Variants in AVL9 observed in about 807,000 individuals in gnomAD.
The protein encoded by AVL9 is late secretory pathway protein AVL9 homolog.
Under a neutral mutation model 79.2 loss-of-function variants are expected in AVL9, and 49 were observed. The observed-to-expected ratio is 0.62, with a 90% CI of 0.49 to 0.79. The LOEUF (loss-of-function observed/expected upper bound fraction) is 0.79. Ranked by LOEUF, AVL9 falls within the 30% of genes least tolerant of loss-of-function variation. The pLI is 0.00. For synonymous variants in AVL9, 299 were observed against 280.6 expected (o/e 1.07, Z -0.65); for missense variants, 682 against 776.8 (o/e 0.88, Z 1.45).
In AVL9 at chr7:32,580,351, T is replaced by C. The variant is rs182625187; in HGVS notation, c.1742+79T>C. The C allele has an allele frequency of 2.5e-3, 2,833 of 1,156,006 alleles. 9 individuals carry two copies. The highest frequency in any genetic ancestry group is 3.1e-3 in the Non-Finnish European group (2,389 of 780,846). The allele number at this position is 1,156,006 out of a possible 1,614,324, so 71.6% of individuals were successfully genotyped here. A position where few individuals can be genotyped will look rare whatever the true frequency, so the allele number is the denominator to read the frequency against. On this transcript the variant is annotated intron_variant, in intron 14 of 15. Transcript: ENST00000318709. ...GTGTTTCATTGCTAATTGGGAATTG[T>C]TTTTCTCTACTTGATAGACTTATGC... is the stretch of plus-strand genomic sequence containing the variant.
intron 1 of AVL9, among the ~76,000 whole-genome samples, chr7:32,523,022 A>C (rs1788230300): frequency 6.6e-6 from 1 of 151,832 alleles, no homozygotes; most frequent in Admixed American, 6.6e-5. Flanking sequence ...GTCCAATTAA[A>C]CCTTTTTTTC....
At chr7:32,525,179 C>G (rs1788348366) in intron 1 of AVL9, among the ~76,000 whole-genome samples, 1 of 152,162 alleles carries the variant, frequency 6.6e-6, no homozygotes, top group South Asian at 2.1e-4. Flanking sequence ...TCCTTTATTT[C>G]CAGTTTAGAA....
intron 10 of AVL9, among the ~76,000 whole-genome samples, chr7:32,566,155 T>A (rs1420503554): frequency 1.4e-5 from 2 of 141,320 alleles, no homozygotes; most frequent in East Asian, 2.0e-4. Flanking sequence ...ATTATTATTT[T>A]AAAAAAATTT....
chr7:32,502,701 T>A (rs1162097941), intron 1 of AVL9, among the ~76,000 whole-genome samples: 1 of 152,182 alleles, frequency 6.6e-6, no homozygotes, highest in African/African-American at 2.4e-5. Context: ...AAGTTTGTAT[T>A]AAAATGGATT....
chr7:32,533,731 G>A (rs2128129909), intron 1 of AVL9: 1 of 152,270 alleles, frequency 6.6e-6, no homozygotes, highest in East Asian at 1.9e-4. Context: ...AAATCTCTGA[G>A]ATACCGAGAA....
At position 32,584,775 on chromosome 7, in the gene AVL9, T is replaced by TGGGG. The variant is rs1179809139; in HGVS notation, c.*881_*884dup. 1.0e-3 allele frequency: 1 copy of TGGGG among 994 alleles called. No homozygotes were observed. The highest frequency in any genetic ancestry group is 2.1e-3 in the African/African-American group (1 of 468). The allele number at this position is 994 out of a possible 1,614,324, so 0.1% of individuals were successfully genotyped here. On this transcript the variant is annotated 3_prime_UTR_variant, in exon 16 of 16. Coordinates refer to ENST00000318709, the MANE Select transcript of AVL9 (RefSeq NM_015060.3). ...TGCCATCTGTTTCTCTTTTTTTTTT[T>TGGGG]GGGGGGGGGGGGGGGGCGGGGTCTC...
At chr7:32,569,067 A>G (rs935057298) in intron 10 of AVL9, among the ~76,000 whole-genome samples, 33 of 152,246 alleles carry the variant, frequency 2.2e-4, no homozygotes, top group Non-Finnish European at 4.4e-5. Flanking sequence ...AAGAATATCA[A>G]GTTGCAAAGC....
At chr7:32,565,991 G>T (rs1158508813) in intron 10 of AVL9, among the ~76,000 whole-genome samples, 6 of 140,652 alleles carry the variant, frequency 4.3e-5, no homozygotes, top group African/African-American at 1.7e-4. Flanking sequence ...AAAAAAAAAG[G>T]CTGGGTGTGG....
chr7:32,513,832 A>G (rs2128119554), intron 1 of AVL9, among the ~76,000 whole-genome samples: 1 of 152,324 alleles, frequency 6.6e-6, no homozygotes, highest in Middle Eastern at 3.4e-3. Flanking sequence ...TGGTGTAACT[A>G]TAGGGTGATG....
chr7:32,519,450 A>G (rs1051478006), intron 1 of AVL9, among the ~76,000 whole-genome samples: 2 of 151,876 alleles, frequency 1.3e-5, no homozygotes, highest in Admixed American at 1.3e-4. Context: ...AAGAAAAGAA[A>G]TGGAAGGGCC....
intron 1 of AVL9, among the ~76,000 whole-genome samples, chr7:32,509,722 G>C (rs185994724): frequency 6.6e-6 from 1 of 152,216 alleles, no homozygotes; most frequent in East Asian, 1.9e-4. Context: ...GTGGTGGCGG[G>C]CGCCTGTAAT....
At chr7:32,575,625 GATTA>G (rs575407565) in intron 12 of AVL9, among the ~76,000 whole-genome samples, 5 of 152,074 alleles carry the variant, frequency 3.3e-5, no homozygotes, top group Non-Finnish European at 5.9e-5. Flanking sequence ...TACAGTTTTT[GATTA>G]ATTAATACTA....
In AVL9 at chr7:32,555,049, G is replaced by T. The variant is rs191163732; in HGVS notation, c.609+453G>T. Among the ~76,000 whole-genome samples the T allele has an allele frequency of 8.1e-4, 123 of 152,200 alleles. 2 individuals carry two copies. The highest frequency in any genetic ancestry group is 1.2e-4 in the Non-Finnish European group (8 of 67,978). On this transcript the variant is annotated intron_variant, in intron 8 of 15. Coordinates refer to ENST00000318709, the MANE Select transcript of AVL9 (RefSeq NM_015060.3). Reference sequence around the variant, plus strand: ...TACCTCCTCCTAAACAATCTAATAAGAATTCTTGGCCGGGCACGGTGGCTC... The same window carrying T: ...TACCTCCTCCTAAACAATCTAATAATAATTCTTGGCCGGGCACGGTGGCTC...
At chr7:32,541,477 A>G (rs1789205292) in intron 1 of AVL9, among the ~76,000 whole-genome samples, 1 of 152,082 alleles carries the variant, frequency 6.6e-6, no homozygotes. Context: ...ATTTTTTTAC[A>G]TTTATTTTTG....
Position 32,559,015 on chromosome 7 carries a change from C to A in AVL9, c.766C>A (p.Pro256Thr). 6.2e-7 allele frequency: 1 copy of A among 1,613,990 alleles called. No individual in the cohort carries two copies. The highest frequency in any genetic ancestry group is 1.1e-5 in the South Asian group (1 of 91,072). Reference protein sequence around the residue: ...SEDGGLQESNPCADDFVSAST... With the variant: ...SEDGGLQESNTCADDFVSAST... Reference sequence around the variant, plus strand: ...AGATGGTGGGCTTCAGGAAAGTAACCCATGTGCAGATGATTTTGTTTCTGC... The same window carrying A: ...AGATGGTGGGCTTCAGGAAAGTAACACATGTGCAGATGATTTTGTTTCTGC... Residue 256 changes from proline (P) to threonine (T), a missense_variant, in exon 10 of 16, where the codon CCA becomes ACA. Pro to Thr is a conservative substitution (Grantham distance 38, BLOSUM62 -1). Coordinates refer to ENST00000318709, the MANE Select transcript of AVL9 (RefSeq NM_015060.3).
intron 1 of AVL9, among the ~76,000 whole-genome samples, chr7:32,502,404 A>AAAAAG (rs1175178563): frequency 5.5e-4 from 80 of 146,192 alleles, no homozygotes; most frequent in Middle Eastern, 6.9e-3. Context: ...AAAAAAAAAA[A>AAAAAG]AAAAAGAAAG....
At chr7:32,498,237 A>ATTTTTTTT (rs10547851) in intron 1 of AVL9, among the ~76,000 whole-genome samples, 5 of 89,816 alleles carry the variant, frequency 5.6e-5, no homozygotes, top group Non-Finnish European at 1.0e-4. Flanking sequence ...AAGTCCTCAG[A>ATTTTTTTT]TTTTTTTTTT....
intron 1 of AVL9, among the ~76,000 whole-genome samples, chr7:32,517,796 G>C (rs1042755745): frequency 6.9e-6 from 1 of 144,226 alleles, no homozygotes; most frequent in African/African-American, 2.6e-5. Context: ...AAAACAGAAT[G>C]ATCTTTGCTT....
At chr7:32,503,373 T>TACACACACAC (rs1185553909) in intron 1 of AVL9, among the ~76,000 whole-genome samples, 14 of 105,804 alleles carry the variant, frequency 1.3e-4, no homozygotes, top group African/African-American at 4.2e-4. Flanking sequence ...TATATATATA[T>TACACACACAC]ACACACACAC....
Sources: allele counts gnomAD v4.1 joint callset (sites outside exome capture counted in the v4.1 genomes callset), GRCh38; gene constraint gnomAD v4.1.1; transcripts MANE v1.5; gene names NCBI Gene and HGNC (gene_info 2026-07-23, HGNC 2026-07-21).